GATAD2A: variants seen among roughly 807,000 people sequenced by gnomAD.
GATAD2A encodes transcriptional repressor p66-alpha.
GATAD2A carries 12 observed loss-of-function variants against 68.5 expected under a neutral mutation model. That is an observed-to-expected ratio of 0.18 (90% CI 0.11 to 0.28). GATAD2A has a LOEUF of 0.28. Ranked by LOEUF, GATAD2A falls within the 10% of genes least tolerant of loss-of-function variation. The probability of loss-of-function intolerance (pLI) is 1.00; values close to 1 mark genes in which losing one functional copy is unlikely to be tolerated. For synonymous variants in GATAD2A, 410 were observed against 375.3 expected (o/e 1.09, Z -1.07); for missense variants, 755 against 868.5 (o/e 0.87, Z 1.64).
At chr19:19,434,520 T>A (rs1311434743) in intron 1 of GATAD2A, among the ~76,000 whole-genome samples, 2 of 152,272 alleles carry the variant, frequency 1.3e-5, no homozygotes, top group South Asian at 2.1e-4. Flanking sequence ...CAGCTGTGAA[T>A]TGCCGTGAAC....
At chr19:19,429,229 G>A (rs577229976) in intron 1 of GATAD2A, 1 of 985,262 alleles carries the variant, frequency 1.0e-6, no homozygotes, top group African/African-American at 1.7e-5. Flanking sequence ...AAAAGTTCCA[G>A]CATCGTGGTC....
intron 1 of GATAD2A, among the ~76,000 whole-genome samples, chr19:19,428,938 A>G (rs536295450): frequency 7.9e-5 from 12 of 151,782 alleles, no homozygotes; most frequent in African/African-American, 2.9e-4. Flanking sequence ...TGCCGTGCCC[A>G]TGGCTGTAGT....
intron 1 of GATAD2A, among the ~76,000 whole-genome samples, chr19:19,424,970 G>T (rs1232795137): frequency 6.6e-6 from 1 of 151,630 alleles, no homozygotes; most frequent in Non-Finnish European, 1.5e-5. Flanking sequence ...AAAAGGTGTG[G>T]TGCAGTCATT....
intron 2 of GATAD2A, among the ~76,000 whole-genome samples, chr19:19,490,401 G>A (rs2059710401): frequency 6.6e-6 from 1 of 152,140 alleles, no homozygotes; most frequent in South Asian, 2.1e-4. Flanking sequence ...GAGGTCCCGA[G>A]GGCTGCTAGA....
chr19:19,420,459 G>A (rs1157026512), intron 1 of GATAD2A, among the ~76,000 whole-genome samples: 1 of 149,064 alleles, frequency 6.7e-6, no homozygotes, highest in African/African-American at 2.5e-5. Flanking sequence ...AGCCTCCCAA[G>A]TAGCTGGGAC....
chr19:19,404,081 G>T (rs551871374), upstream of GATAD2A, among the ~76,000 whole-genome samples: 1 of 152,202 alleles, frequency 6.6e-6, no homozygotes, highest in African/African-American at 2.4e-5. Context: ...AGGGGAGGTT[G>T]TGCCAGATGT....
At chr19:19,385,917 G>A (rs890737250) in exon 1 of GATAD2A, 8 of 149,072 alleles carry the variant, frequency 5.4e-5, no homozygotes, top group African/African-American at 1.9e-4. Flanking sequence ...CAGGGTCAGC[G>A]CCCCGGCGCG....
chr19:19,422,117 C>A (rs1173971620), intron 1 of GATAD2A, among the ~76,000 whole-genome samples: 2 of 152,192 alleles, frequency 1.3e-5, no homozygotes, highest in Non-Finnish European at 2.9e-5. Context: ...GCCACTGCAC[C>A]CAGCCAGACC....
At position 19,501,215 on chromosome 19, in the gene GATAD2A, C is replaced by T. The variant is rs367577231; in HGVS notation, c.1302C>T (p.Ser434=). ...DFTCRWREEK[S]GAIMCENCMT... ...CGTGCCGCTGGCGGGAGGAGAAGAGCGGCGCCATCATGTGTGAGAACTGCA... is the reference window on the plus strand; with the variant it reads ...CGTGCCGCTGGCGGGAGGAGAAGAGTGGCGCCATCATGTGTGAGAACTGCA... The change falls in exon 9 of 12, where the codon AGC becomes AGT. Residue 434 remains serine, a synonymous_variant. Coordinates refer to ENST00000683918, the MANE Select transcript of GATAD2A (RefSeq NM_001384528.1). The T allele has an allele frequency of 1.9e-5, 30 of 1,613,462 alleles. No individual in the cohort carries two copies. Among genetic ancestry groups the T allele is most frequent in the East Asian group, 6.7e-5 (3 of 44,878 alleles).
At chr19:19,412,125 T>A (rs893842650) in intron 1 of GATAD2A, among the ~76,000 whole-genome samples, 1 of 151,926 alleles carries the variant, frequency 6.6e-6, no homozygotes, top group South Asian at 2.1e-4. Context: ...CCGCTTTTTT[T>A]TCTCTCTCTT....
At chr19:19,504,352 G>C (rs2060741722) in intron 11 of GATAD2A, among the ~76,000 whole-genome samples, 1 of 152,210 alleles carries the variant, frequency 6.6e-6, no homozygotes, top group Non-Finnish European at 1.5e-5. Context: ...TGTGGCAATG[G>C]CTTGTATTTT....
At chr19:19,428,010 A>G (rs924759628) in intron 1 of GATAD2A, 5 of 152,058 alleles carry the variant, frequency 3.3e-5, no homozygotes, top group Non-Finnish European at 5.9e-5. Context: ...TTATTTTCCT[A>G]TATCTGTTTG....
chr19:19,477,948 A>G (rs549522234), intron 2 of GATAD2A, among the ~76,000 whole-genome samples: 1 of 152,362 alleles, frequency 6.6e-6, no homozygotes, highest in Non-Finnish European at 1.5e-5. Context: ...TTAGGTAAAC[A>G]TAGAGGCTGT....
upstream of GATAD2A, among the ~76,000 whole-genome samples, chr19:19,403,781 C>G (rs927911179): frequency 4.6e-5 from 7 of 152,180 alleles, no homozygotes; most frequent in African/African-American, 1.7e-4. Context: ...GATTAATGAT[C>G]GTAGCATGAA....
intron 1 of GATAD2A, among the ~76,000 whole-genome samples, chr19:19,433,920 C>T (rs2054029254): frequency 6.6e-6 from 1 of 152,168 alleles, no homozygotes; most frequent in Admixed American, 6.5e-5. Flanking sequence ...AGGTGCACGC[C>T]ACCACACCCA....
In GATAD2A at chr19:19,492,450, G is replaced by A. The variant is rs1354604198; in HGVS notation, c.402+12G>A. On this transcript the variant is annotated intron_variant, in intron 3 of 11. Transcript: ENST00000683918. ...CCGAGGCCCTCATGGTGAGCCACGTGTTGGCGCTGCCGCCGGAGCCCCACT... is the reference window on the plus strand; with the variant it reads ...CCGAGGCCCTCATGGTGAGCCACGTATTGGCGCTGCCGCCGGAGCCCCACT... The A allele has an allele frequency of 3.7e-6, 6 of 1,613,738 alleles. No individual in the cohort carries two copies. The East Asian group carries it at 8.9e-5, about 24-fold the overall frequency.
intron 1 of GATAD2A, among the ~76,000 whole-genome samples, chr19:19,447,789 C>T (rs1250788754): frequency 3.9e-5 from 6 of 152,220 alleles, no homozygotes; most frequent in Non-Finnish European, 5.9e-5. Context: ...AGCGTCACCA[C>T]GTTGCTGGGT....
intron 1 of GATAD2A, among the ~76,000 whole-genome samples, chr19:19,456,211 A>G (rs1197018180): frequency 6.6e-6 from 1 of 152,054 alleles, no homozygotes; most frequent in Non-Finnish European, 1.5e-5. Context: ...AGGTGAATCT[A>G]GAAAACTGTT....
chr19:19,440,867 A>G (rs180928259), intron 1 of GATAD2A, among the ~76,000 whole-genome samples: 234 of 152,322 alleles, frequency 1.5e-3, no homozygotes, highest in Non-Finnish European at 2.7e-3. Context: ...GAGATACCCA[A>G]TAAAGGTAAA....
Sources: gnomAD v4.1 joint callset for allele counts (sites outside exome capture counted in the v4.1 genomes callset) on GRCh38, gnomAD v4.1.1 for gene constraint, MANE v1.5 for transcripts, NCBI Gene and HGNC (gene_info 2026-07-23, HGNC 2026-07-21) for gene names.